Variants in PRAG1 observed in about 807,000 individuals in gnomAD.
PRAG1 encodes the protein PEAK1 related, kinase-activating pseudokinase 1, also known as inactive tyrosine-protein kinase PRAG1.
A neutral mutation model predicts 95.6 loss-of-function variants in PRAG1; 110 were observed. That is an observed-to-expected ratio of 1.15 (90% CI 0.99 to 1.35). The LOEUF is 1.35. PRAG1 is among the 40% of genes most tolerant of loss of function. The probability of loss-of-function intolerance (pLI) is 0.00; values close to 1 mark genes in which losing one functional copy is unlikely to be tolerated. For missense variants in PRAG1, 2,554 were observed against 1,864.7 expected (o/e 1.37, Z -6.81); for synonymous variants, 1,052 against 819.4 (o/e 1.28, Z -4.85).
At chr8:8,373,735 G>A (rs902653446) in intron 3 of PRAG1, among the ~76,000 whole-genome samples, 2 of 152,196 alleles carry the variant, frequency 1.3e-5, no homozygotes, top group Non-Finnish European at 2.9e-5. Context: ...TTACAGGCAT[G>A]AGCCACTAAG....
At chr8:8,359,957 T>G (rs1799795344) in intron 3 of PRAG1, among the ~76,000 whole-genome samples, 1 of 152,198 alleles carries the variant, frequency 6.6e-6, no homozygotes, top group African/African-American at 2.4e-5. Context: ...TTCTAAAATT[T>G]TTGCCTTAAA....
At chr8:8,331,772 G>A (rs984245677) in intron 4 of PRAG1, among the ~76,000 whole-genome samples, 1 of 152,120 alleles carries the variant, frequency 6.6e-6, no homozygotes, top group Admixed American at 6.5e-5. Flanking sequence ...GGAAGGAAGT[G>A]ATTTTGTCCT....
At chr8:8,363,361 C>T (rs946845733) in intron 3 of PRAG1, among the ~76,000 whole-genome samples, 1 of 152,144 alleles carries the variant, frequency 6.6e-6, no homozygotes, top group Admixed American at 6.5e-5. Context: ...ACGGTATATA[C>T]ATGCAATGGA....
chr8:8,346,548 T>C (rs935674564), intron 3 of PRAG1, among the ~76,000 whole-genome samples: 1 of 152,164 alleles, frequency 6.6e-6, no homozygotes, highest in Non-Finnish European at 1.5e-5. Context: ...GTGGTCTCCA[T>C]ACTATGTTGG....
At chr8:8,370,798 C>T (rs1800168836) in intron 3 of PRAG1, among the ~76,000 whole-genome samples, 1 of 152,156 alleles carries the variant, frequency 6.6e-6, no homozygotes, top group African/African-American at 2.4e-5. Flanking sequence ...GAAACGAACT[C>T]CACTCATGAC....
rs1471535245 is a variant in PRAG1, at chr8:8,327,852, C to T, written c.2930G>A (p.Gly977Asp). ...VAKCEDLFMG[G>D]QKKELHFNEN... Reference sequence around the variant, plus strand: ...ATTGAAGTGGAGCTCCTTTTTCTGGCCGCCCATGAAGAGGTCCTCACATTT... The same window carrying T: ...ATTGAAGTGGAGCTCCTTTTTCTGGTCGCCCATGAAGAGGTCCTCACATTT... The change falls in exon 5 of 6, where the codon GGC (glycine) becomes GAC (aspartate). Residue 977 changes from glycine to aspartate, a missense_variant. Coordinates refer to ENST00000615670, the MANE Select transcript of PRAG1 (RefSeq NM_001080826.3). 1.9e-6 allele frequency: 3 copies of T among 1,614,202 alleles called. No homozygotes were observed. The highest frequency in any genetic ancestry group is 4.5e-5 in the East Asian group (2 of 44,886).
chr8:8,343,898 TG>T (rs531927180), intron 3 of PRAG1, among the ~76,000 whole-genome samples: 196 of 152,300 alleles, frequency 1.3e-3, no homozygotes, highest in Non-Finnish European at 1.9e-3. Flanking sequence ...TTAAGTTTTC[TG>T]GTAACCACAT....
intron 3 of PRAG1, among the ~76,000 whole-genome samples, chr8:8,343,439 T>C (rs1799235598): frequency 1.3e-5 from 2 of 152,198 alleles, no homozygotes; most frequent in Non-Finnish European, 2.9e-5. Flanking sequence ...GTCACTTGAG[T>C]GGGTCACTAG....
At chr8:8,324,506 C>A (rs1251038701) in intron 5 of PRAG1, among the ~76,000 whole-genome samples, 4 of 152,152 alleles carry the variant, frequency 2.6e-5, no homozygotes, top group Non-Finnish European at 4.4e-5. Flanking sequence ...GATCATTCCA[C>A]AGCACTGGGT....
chr8:8,359,264 A>T (rs1172081480), intron 3 of PRAG1, among the ~76,000 whole-genome samples: 1 of 152,084 alleles, frequency 6.6e-6, no homozygotes, highest in East Asian at 1.9e-4. Flanking sequence ...TAAAAGGAGA[A>T]TTTTTTCTGA....
In PRAG1 at chr8:8,377,728, G is replaced by A. The variant is rs1323960699; in HGVS notation, c.681C>T (p.Pro227=). The change falls in exon 3 of 6, where the codon CCC becomes CCT. Residue 227 remains proline (P), a synonymous_variant. Coordinates refer to ENST00000615670, the MANE Select transcript of PRAG1 (RefSeq NM_001080826.3). ...CCTCCGAGGGCAGGGATTCCCGCAG[G>A]GGCCCAGGGCCCTGGTGACAGCCAG... is the stretch of plus-strand genomic sequence containing the variant. ...TTSGCHQGPG[P]LRESLPSEDD... is the part of the protein sequence containing the mutation. The A allele has an allele frequency of 1.5e-5, 24 of 1,614,030 alleles. No individual in the cohort carries two copies. Among genetic ancestry groups the A allele is most frequent in the Non-Finnish European group, 1.9e-5 (23 of 1,180,012 alleles).
intron 3 of PRAG1, among the ~76,000 whole-genome samples, chr8:8,363,093 GTA>G (rs60223631): frequency 1.4e-4 from 20 of 142,222 alleles, no homozygotes; most frequent in African/African-American, 3.1e-4. Flanking sequence ...GTGTGCGTGT[GTA>G]TATATATATA....
intron 3 of PRAG1, among the ~76,000 whole-genome samples, chr8:8,371,087 G>T (rs533106180): frequency 6.8e-6 from 1 of 147,778 alleles, no homozygotes; most frequent in South Asian, 2.2e-4. Flanking sequence ...AGTAAGGCAA[G>T]GTACCACCAC....
At chr8:8,344,352 G>C (rs989902656) in intron 3 of PRAG1, among the ~76,000 whole-genome samples, 1 of 152,154 alleles carries the variant, frequency 6.6e-6, no homozygotes, top group Admixed American at 6.5e-5. Flanking sequence ...AAAATGCTGA[G>C]TATTAAAAGT....
At chr8:8,366,409 G>T (rs542737757) in intron 3 of PRAG1, among the ~76,000 whole-genome samples, 2 of 151,938 alleles carry the variant, frequency 1.3e-5, no homozygotes, top group African/African-American at 4.8e-5. Flanking sequence ...CAACTCCCGG[G>T]TTCAAGCAAT....
rs367691261 is a variant in PRAG1 at position 8,381,508 on chromosome 8, G to T, written c.240C>A (p.Ser80=). The T allele has an allele frequency of 8.7e-6, 14 of 1,614,118 alleles. No homozygotes were observed. The highest frequency in any genetic ancestry group is 6.7e-5 in the African/African-American group (5 of 74,938). The change falls in exon 2 of 6, where the codon TCC becomes TCA. Residue 80 remains serine, a synonymous_variant. Coordinates refer to ENST00000615670, the MANE Select transcript of PRAG1 (RefSeq NM_001080826.3). ...TGGGCTTCACGGCAATTGTGGGCTT[G>T]GAGTAAGGTGAGCTGTTCACACCTT... is the stretch of plus-strand genomic sequence containing the variant. ...EDEGVNSSPY[S]KPTIAVKPTM...
intron 3 of PRAG1, among the ~76,000 whole-genome samples, chr8:8,352,855 A>C (rs186771664): frequency 6.8e-4 from 103 of 152,338 alleles, no homozygotes; most frequent in African/African-American, 2.4e-3. Context: ...ACATAAGCTG[A>C]AGGTGAAGGG....
rs746996658 is a variant in PRAG1, at chr8:8,377,236, A to G, written c.1173T>C (p.Leu391=). The G allele has an allele frequency of 6.2e-7, 1 of 1,612,784 alleles. No individual in the cohort carries two copies. The highest frequency in any genetic ancestry group is 8.5e-7 in the Non-Finnish European group (1 of 1,179,954). ...GCPGVTPSRC[L]GLTGEPQPPA... ...GGGGCTGGGGCTCCCCCGTCAGCCC[A>G]AGGCATCTGCTAGGGGTCACCCCTG... The change falls in exon 3 of 6, where the codon CTT becomes CTC. Residue 391 remains leucine, a synonymous_variant. Coordinates refer to ENST00000615670, the MANE Select transcript of PRAG1 (RefSeq NM_001080826.3).
At chr8:8,348,849 A>C (rs1799428872) in intron 3 of PRAG1, among the ~76,000 whole-genome samples, 1 of 152,180 alleles carries the variant, frequency 6.6e-6, no homozygotes, top group Non-Finnish European at 1.5e-5. Flanking sequence ...CCGTTCCAAA[A>C]TTATAAATGG....
Sources: gnomAD v4.1 joint callset for allele counts (sites outside exome capture counted in the v4.1 genomes callset) on GRCh38, gnomAD v4.1.1 for gene constraint, MANE v1.5 for transcripts, NCBI Gene and HGNC (gene_info 2026-07-23, HGNC 2026-07-21) for gene names.